COA1: variants seen among roughly 807,000 people sequenced by gnomAD.
The protein encoded by COA1 is cytochrome c oxidase assembly factor 1.
COA1 carries 13 observed loss-of-function variants against 16.0 expected under a neutral mutation model. The ratio of observed to expected loss-of-function variants is 0.81; its 90% CI spans 0.53 to 1.29. The LOEUF (loss-of-function observed/expected upper bound fraction) is 1.29, where lower values mean the gene tolerates loss of function less well. COA1 is among the 50% of genes most tolerant of loss of function. The pLI is 0.00. For synonymous variants in COA1, 65 were observed against 65.7 expected (o/e 0.99, Z 0.05); for missense variants, 179 against 177.0 (o/e 1.01, Z -0.06).
chr7:43,700,046 C>A (rs562133722), intron 1 of COA1, among the ~76,000 whole-genome samples: 1 of 151,990 alleles, frequency 6.6e-6, no homozygotes, highest in Admixed American at 6.6e-5. Flanking sequence ...AACATGAAGT[C>A]CAAGTATTCA....
chr7:43,619,973 T>C (rs374084208), intron 6 of COA1, among the ~76,000 whole-genome samples: 11 of 152,314 alleles, frequency 7.2e-5, no homozygotes, highest in African/African-American at 2.6e-4. Flanking sequence ...CTAAAAGGAA[T>C]AGGAGAGGAT....
intron 1 of COA1, among the ~76,000 whole-genome samples, chr7:43,707,691 T>G (rs1228277323): frequency 6.6e-6 from 1 of 152,250 alleles, no homozygotes; most frequent in Non-Finnish European, 1.5e-5. Flanking sequence ...CCATATTGTG[T>G]AAATTGAGTT....
At position 43,639,507 on chromosome 7, in the gene COA1, C is replaced by G. The variant is rs2086522916; in HGVS notation, c.*75G>C. ...CAGGAGTGTCTGTCACTGAGATGGG[C>G]CACCACCCCAGTGGCCATATGGTAG... On this transcript the variant is annotated 3_prime_UTR_variant, in exon 6 of 6. Transcript: ENST00000223336. The G allele has an allele frequency of 8.2e-7, 1 of 1,215,410 alleles. No individual in the cohort carries two copies. Among genetic ancestry groups the G allele is most frequent in the East Asian group, 2.4e-5 (1 of 42,492 alleles). The allele number at this position is 1,215,410 out of a possible 1,614,324, so 75.3% of individuals were successfully genotyped here.
chr7:43,686,039 T>TC (rs1302697574), intron 1 of COA1, among the ~76,000 whole-genome samples: 1 of 152,208 alleles, frequency 6.6e-6, no homozygotes, highest in Non-Finnish European at 1.5e-5. Context: ...AGAGAAACAT[T>TC]CTGGCAAAAT....
intron 1 of COA1, among the ~76,000 whole-genome samples, chr7:43,673,197 A>C (rs887051925): frequency 6.6e-6 from 1 of 152,242 alleles, no homozygotes; most frequent in Non-Finnish European, 1.5e-5. Flanking sequence ...TCTGTGCAGC[A>C]AAGAAACTAT....
intron 1 of COA1, among the ~76,000 whole-genome samples, chr7:43,722,992 A>G (rs1220927261): frequency 1.3e-5 from 2 of 152,218 alleles, no homozygotes; most frequent in Non-Finnish European, 2.9e-5. Context: ...TTAAGATACC[A>G]GTTCCTCCCA....
intron 1 of COA1, among the ~76,000 whole-genome samples, chr7:43,705,221 T>C (rs1488382593): frequency 6.6e-6 from 1 of 152,228 alleles, no homozygotes; most frequent in Non-Finnish European, 1.5e-5. Flanking sequence ...AACACTCCGA[T>C]GGCAGCTGCC....
At chr7:43,610,075 G>A (rs948055584) in intron 6 of COA1, among the ~76,000 whole-genome samples, 2 of 152,156 alleles carry the variant, frequency 1.3e-5, no homozygotes, top group South Asian at 2.1e-4. Flanking sequence ...GGCCGGGCGC[G>A]GTGGCTCACG....
chr7:43,714,043 A>C (rs1222527931), intron 1 of COA1, among the ~76,000 whole-genome samples: 1 of 152,140 alleles, frequency 6.6e-6, no homozygotes, highest in Non-Finnish European at 1.5e-5. Flanking sequence ...GGCAGGAAAA[A>C]AAAATTAGCC....
At chr7:43,663,724 A>G (rs980716872) in intron 1 of COA1, among the ~76,000 whole-genome samples, 4 of 150,212 alleles carry the variant, frequency 2.7e-5, no homozygotes, top group Non-Finnish European at 4.4e-5. Context: ...CCCACTGACC[A>G]TCAACTCTCC....
At chr7:43,644,795 G>GAC (rs1238574851) in intron 4 of COA1, among the ~76,000 whole-genome samples, 8,129 of 111,288 alleles carry the variant, frequency 0.073, 1,089 homozygotes, top group Non-Finnish European at 0.11. Flanking sequence ...GGCAGGCAGA[G>GAC]AGACAGAGAG....
rs745847482 is a variant in COA1 at position 43,624,797 on chromosome 7, T to C, written c.*133+14652A>G. 1.3e-5 allele frequency: 21 copies of C among 1,608,958 alleles called. No homozygotes were observed. The South Asian group carries it at 2.3e-4, about 18-fold the overall frequency. The stretch of plus-strand genomic sequence containing the variant: ...AGGCCATTTCCAAACGATTTAAATT[T>C]GAGGAACCTTTGCTACAAGAAATTC... On this transcript the variant is annotated intron_variant and NMD_transcript_variant, in intron 6 of 6. Coordinates refer to the COA1 transcript ENST00000415076.
intron 1 of COA1, among the ~76,000 whole-genome samples, chr7:43,650,924 G>A (rs954043853): frequency 6.6e-6 from 1 of 151,974 alleles, no homozygotes; most frequent in African/African-American, 2.4e-5. Flanking sequence ...GCCCTTCCAC[G>A]TCAAAGCAGG....
chr7:43,672,477 A>C (rs1304681921), intron 1 of COA1, among the ~76,000 whole-genome samples: 1 of 152,212 alleles, frequency 6.6e-6, no homozygotes, highest in Admixed American at 6.5e-5. Flanking sequence ...CTTCATATTA[A>C]AAACCCTCAA....
At chr7:43,664,103 A>AGAG (rs2092695982) in intron 1 of COA1, among the ~76,000 whole-genome samples, 2 of 135,144 alleles carry the variant, frequency 1.5e-5, no homozygotes, top group Admixed American at 7.4e-5. Flanking sequence ...TGTCTTTAGA[A>AGAG]AGAGAGAGAG....
intron 1 of COA1, among the ~76,000 whole-genome samples, chr7:43,724,113 T>C (rs1161809164): frequency 6.6e-6 from 1 of 152,152 alleles, no homozygotes; most frequent in African/African-American, 2.4e-5. Context: ...AACGTGATAA[T>C]CCATGCCTAA....
intron 1 of COA1, among the ~76,000 whole-genome samples, chr7:43,686,451 C>T (rs1368942124): frequency 6.6e-5 from 10 of 151,704 alleles, no homozygotes; most frequent in Admixed American, 5.9e-4. Flanking sequence ...GGACTACAGG[C>T]GCCCGCCACT....
chr7:43,658,736 A>G (rs2092097655), intron 1 of COA1: 1 of 152,250 alleles, frequency 6.6e-6, no homozygotes, highest in East Asian at 1.9e-4. Flanking sequence ...GGGAAGCGCA[A>G]TTTTAATGTG....
At chr7:43,643,793 A>G (rs974658887) in intron 4 of COA1, among the ~76,000 whole-genome samples, 6 of 152,224 alleles carry the variant, frequency 3.9e-5, no homozygotes, top group African/African-American at 1.4e-4. Context: ...TTACCAATCT[A>G]CACAAATCCA....
Sources: allele counts gnomAD v4.1 joint callset (sites outside exome capture counted in the v4.1 genomes callset), GRCh38; gene constraint gnomAD v4.1.1; transcripts MANE v1.5; gene names NCBI Gene and HGNC (gene_info 2026-07-23, HGNC 2026-07-21).